ADGRL4: variants seen among roughly 807,000 people sequenced by gnomAD.
ADGRL4 encodes the protein adhesion G protein-coupled receptor L4, also known as EGF, latrophilin and seven transmembrane domain containing 1.
A neutral mutation model predicts 74.8 loss-of-function variants in ADGRL4; 90 were observed. The ratio of observed to expected loss-of-function variants is 1.20; its 90% CI spans 1.02 to 1.43. The LOEUF (loss-of-function observed/expected upper bound fraction) is 1.43. Ranked by LOEUF, ADGRL4 falls within the 40% of genes most tolerant of loss-of-function variation. The probability of loss-of-function intolerance (pLI) is 0.00; values close to 1 mark genes in which losing one functional copy is unlikely to be tolerated. For missense variants in ADGRL4, 881 were observed against 814.3 expected, an observed-to-expected ratio of 1.08 and a Z score of -1.00; for synonymous variants, 311 against 279.2, an observed-to-expected ratio of 1.11 and a Z score of -1.14.
intron 12 of ADGRL4, among the ~76,000 whole-genome samples, chr1:78,912,193 C>G (rs544296963): frequency 6.6e-6 from 1 of 151,616 alleles, no homozygotes; most frequent in Non-Finnish European, 1.5e-5. Flanking sequence ...GAGTAAGATG[C>G]GGTAAATAAA....
intron 8 of ADGRL4, 41 bp downstream of exon 8, chr1:78,926,845 T>C (rs745410769): frequency 7.0e-7 from 1 of 1,432,372 alleles, no homozygotes; most frequent in South Asian, 1.2e-5. Context: ...TCTCTGACTG[T>C]ATCACAATCA....
intron 1 of ADGRL4, among the ~76,000 whole-genome samples, chr1:79,005,664 A>G (rs1291377228): frequency 6.6e-6 from 1 of 152,178 alleles, no homozygotes; most frequent in Non-Finnish European, 1.5e-5. Flanking sequence ...GCAAATTCAA[A>G]TCTGTGTTAT....
chr1:78,986,854 T>C (rs867920427), intron 2 of ADGRL4, among the ~76,000 whole-genome samples: 43 of 151,802 alleles, frequency 2.8e-4, no homozygotes, highest in African/African-American at 9.4e-4. Flanking sequence ...TCAAAAATAG[T>C]AAAAATGTAT....
chr1:78,915,352 C>T (rs1271406579), intron 12 of ADGRL4, among the ~76,000 whole-genome samples: 1 of 151,794 alleles, frequency 6.6e-6, no homozygotes, highest in Non-Finnish European at 1.5e-5. Flanking sequence ...ATTCTTATAT[C>T]CCGGGGACAC....
chr1:78,996,010 G>T (rs1650704690), intron 2 of ADGRL4, among the ~76,000 whole-genome samples: 1 of 152,064 alleles, frequency 6.6e-6, no homozygotes, highest in Non-Finnish European at 1.5e-5. Context: ...AAACGTGGAG[G>T]ATAATAGATT....
intron 6 of ADGRL4, among the ~76,000 whole-genome samples, chr1:78,937,177 G>T (rs979095226): frequency 2.6e-5 from 4 of 152,180 alleles, no homozygotes; most frequent in African/African-American, 9.7e-5. Flanking sequence ...GGGCATGGTG[G>T]CTCATGCCTG....
intron 3 of ADGRL4, among the ~76,000 whole-genome samples, chr1:78,940,353 G>T (rs1389725489): frequency 1.3e-5 from 2 of 151,980 alleles, no homozygotes; most frequent in Non-Finnish European, 2.9e-5. Context: ...TTTTACTATG[G>T]TTCTTCATAC....
chr1:78,992,601 T>C (rs1447047053), intron 2 of ADGRL4, among the ~76,000 whole-genome samples: 1 of 152,086 alleles, frequency 6.6e-6, no homozygotes, highest in Non-Finnish European at 1.5e-5. Flanking sequence ...TACTCACAAC[T>C]ACACACAAAA....
At chr1:78,900,939 A>G (rs1648503112) in intron 12 of ADGRL4, among the ~76,000 whole-genome samples, 1 of 151,950 alleles carries the variant, frequency 6.6e-6, no homozygotes, top group African/African-American at 2.4e-5. Context: ...CTGGATTTTA[A>G]ATCTTAAAAG....
At chr1:78,923,609 C>T (rs374771182) in intron 8 of ADGRL4, among the ~76,000 whole-genome samples, 1 of 151,612 alleles carries the variant, frequency 6.6e-6, no homozygotes, top group Non-Finnish European at 1.5e-5. Context: ...AAGTCAAGAG[C>T]AAGATGATGC....
In ADGRL4 at chr1:78,936,320, C is replaced by T. The variant is rs1333840501; in HGVS notation, c.852G>A (p.Lys284=). Residue 284 remains lysine, a synonymous_variant, in exon 7 of 15, where the codon AAG becomes AAA. Coordinates refer to ENST00000370742, the MANE Select transcript of ADGRL4 (RefSeq NM_022159.4). The stretch of plus-strand genomic sequence containing the variant: ...CATTTGAATCATATGCAGCTTTTCT[C>T]TTTGGAAATATATTTATGTAGTCTC... ...MDGDYINIFP[K]RKAAYDSNGN... 6.3e-7 allele frequency: 1 copy of T among 1,592,880 alleles called. No individual in the cohort carries two copies. The highest frequency in any genetic ancestry group is 8.5e-7 in the Non-Finnish European group (1 of 1,171,660).
intron 3 of ADGRL4, among the ~76,000 whole-genome samples, chr1:78,941,602 C>A (rs1440109052): frequency 1.3e-5 from 2 of 151,878 alleles, no homozygotes; most frequent in Non-Finnish European, 2.9e-5. Context: ...AAACTTTATT[C>A]CAAACCCAAT....
At chr1:78,915,707 G>A (rs1298435621) in intron 12 of ADGRL4, among the ~76,000 whole-genome samples, 2 of 151,708 alleles carry the variant, frequency 1.3e-5, no homozygotes, top group African/African-American at 2.4e-5. Flanking sequence ...AATGTTTGGT[G>A]TTCAATATCT....
At chr1:78,892,389 C>T (rs1648300063) in intron 13 of ADGRL4, among the ~76,000 whole-genome samples, 1 of 152,050 alleles carries the variant, frequency 6.6e-6, no homozygotes, top group Non-Finnish European at 1.5e-5. Context: ...AGGACATTGC[C>T]TTGGAAATGA....
At position 78,939,250 on chromosome 1, in the gene ADGRL4, T is replaced by C. The variant is rs1557505488; in HGVS notation, c.334A>G (p.Asn112Asp). 6.4e-7 allele frequency: 1 copy of C among 1,562,410 alleles called. No individual in the cohort carries two copies. The highest frequency in any genetic ancestry group is 1.2e-5 in the South Asian group (1 of 82,694). Residue 112 changes from asparagine to aspartate, a missense_variant, in exon 4 of 15, where the codon AAT (asparagine) becomes GAT (aspartate). Coordinates refer to ENST00000370742, the MANE Select transcript of ADGRL4 (RefSeq NM_022159.4). The part of the protein sequence containing the change: ...NDGTVCIENV[N>D]ANCHLDNVCI... ...ACATTATCTAAATGGCAGTTTGCAT[T>C]CACATTTTCTGTAAAAAAAGAAAAT...
intron 3 of ADGRL4, among the ~76,000 whole-genome samples, chr1:78,944,556 A>C (rs568278725): frequency 2.6e-5 from 4 of 152,330 alleles, no homozygotes; most frequent in African/African-American, 9.6e-5. Flanking sequence ...TTCAACAGTA[A>C]TAGCATTGTT....
chr1:78,926,894 G>T lies in ADGRL4; in HGVS notation c.1075C>A (p.His359Asn). The change falls in exon 8 of 15, where the codon CAT becomes AAT. Residue 359 changes from histidine to asparagine, a missense_variant. Transcript: ENST00000370742. ...CCAGAAAAACAGCTTACCTTTCGATGACTTAATGTAAATGTTATTTTTTCA... is the reference window on the plus strand; with the variant it reads ...CCAGAAAAACAGCTTACCTTTCGATTACTTAATGTAAATGTTATTTTTTCA... ...ELEKITFTLS[H>N]RKVTDRYRSL... The T allele has an allele frequency of 1.9e-6, 3 of 1,610,012 alleles. No individual in the cohort carries two copies. Among genetic ancestry groups the T allele is most frequent in the South Asian group, 2.2e-5 (2 of 90,848 alleles).
At chr1:78,963,106 C>A (rs1423007677) in intron 2 of ADGRL4, among the ~76,000 whole-genome samples, 1 of 152,116 alleles carries the variant, frequency 6.6e-6, no homozygotes, top group Non-Finnish European at 1.5e-5. Flanking sequence ...AATTACCTGG[C>A]ACATAGAAGA....
intron 12 of ADGRL4, among the ~76,000 whole-genome samples, chr1:78,909,233 ATAACTTTAATG>A (rs1200166095): frequency 6.6e-6 from 1 of 152,014 alleles, no homozygotes; most frequent in Non-Finnish European, 1.5e-5. Context: ...TGTTTCTAAT[ATAACTTTAATG>A]TGGACATCTA....
Sources: gnomAD v4.1 joint callset for allele counts (sites outside exome capture counted in the v4.1 genomes callset) on GRCh38, gnomAD v4.1.1 for gene constraint, MANE v1.5 for transcripts, NCBI Gene and HGNC (gene_info 2026-07-23, HGNC 2026-07-21) for gene names.